SPIDR: variants seen among roughly 807,000 people sequenced by gnomAD.
SPIDR encodes scaffold protein involved in DNA repair.
SPIDR carries 93 observed loss-of-function variants against 104.6 expected under a neutral mutation model. The observed-to-expected ratio is 0.89, with a 90% confidence interval of 0.75 to 1.06. The LOEUF is 1.06. Ranked by LOEUF, SPIDR falls within the 50% of genes least tolerant of loss-of-function variation. The pLI is 0.00. For synonymous variants in SPIDR, 431 were observed against 416.9 expected, an observed-to-expected ratio of 1.03 and a Z score of -0.41; for missense variants, 1,154 against 1,111.2, an observed-to-expected ratio of 1.04 and a Z score of -0.55.
intron 8 of SPIDR, among the ~76,000 whole-genome samples, chr8:47,483,005 G>A (rs559145955): frequency 9.2e-5 from 14 of 152,070 alleles, no homozygotes; most frequent in South Asian, 2.1e-4. Flanking sequence ...AGGAAAGGCC[G>A]CCCCTCTGCC....
intron 11 of SPIDR, among the ~76,000 whole-genome samples, chr8:47,691,943 C>G (rs1233740022): frequency 6.6e-6 from 1 of 152,202 alleles, no homozygotes; most frequent in Non-Finnish European, 1.5e-5. Flanking sequence ...AAGATAGCAG[C>G]ACTACTCTTT....
At chr8:47,273,786 G>T (rs1049094547) in intron 1 of SPIDR, among the ~76,000 whole-genome samples, 1 of 152,078 alleles carries the variant, frequency 6.6e-6, no homozygotes, top group Non-Finnish European at 1.5e-5. Context: ...TAGAAATGAG[G>T]TCTTGCTGTG....
At chr8:47,327,179 G>C (rs1316513450) in intron 5 of SPIDR, among the ~76,000 whole-genome samples, 1 of 151,950 alleles carries the variant, frequency 6.6e-6, no homozygotes, top group Admixed American at 6.6e-5. Flanking sequence ...GTTTTGGTTT[G>C]CAATTCTCTA....
chr8:47,373,810 TAAATC>T (rs1407916168), intron 5 of SPIDR, among the ~76,000 whole-genome samples: 1 of 152,224 alleles, frequency 6.6e-6, no homozygotes, highest in African/African-American at 2.4e-5. Flanking sequence ...ATTAAAAAGA[TAAATC>T]AAATGTGAAT....
chr8:47,713,475 G>A lies in SPIDR; in HGVS notation c.2189-14G>A. ...CTTCAAGGCTTCAATAACCTGAAGTGTCTCTGTCGGCAGGTCGGATTGTTT... is the reference window on the plus strand; with the variant it reads ...CTTCAAGGCTTCAATAACCTGAAGTATCTCTGTCGGCAGGTCGGATTGTTT... On this transcript the variant is annotated splice_polypyrimidine_tract_variant and intron_variant, in intron 15 of 19. Transcript: ENST00000297423. The A allele has an allele frequency of 6.2e-7, 1 of 1,614,096 alleles. No homozygotes were observed. The highest frequency in any genetic ancestry group is 1.7e-5 in the Admixed American group (1 of 60,016).
chr8:47,473,616 C>T (rs781831203), intron 8 of SPIDR, among the ~76,000 whole-genome samples: 1 of 152,176 alleles, frequency 6.6e-6, no homozygotes, highest in Non-Finnish European at 1.5e-5. Context: ...CTTCCACACG[C>T]GTCTATTTTA....
At chr8:47,565,992 A>ATTTTTTTTTTT (rs768002878) in intron 8 of SPIDR, among the ~76,000 whole-genome samples, 3 of 14,952 alleles carry the variant, frequency 2.0e-4, no homozygotes, top group African/African-American at 5.0e-4. Flanking sequence ...ATATATATAT[A>ATTTTTTTTTTT]TTTTTTTTTT....
chr8:47,531,581 C>A (rs564815814), intron 8 of SPIDR, among the ~76,000 whole-genome samples: 18 of 152,226 alleles, frequency 1.2e-4, no homozygotes, highest in Admixed American at 3.3e-4. Flanking sequence ...TTTTAAGGAG[C>A]CTGTTGAGGT....
intron 8 of SPIDR, among the ~76,000 whole-genome samples, chr8:47,507,452 C>T (rs2154374395): frequency 6.6e-6 from 1 of 152,316 alleles, no homozygotes; most frequent in South Asian, 2.1e-4. Context: ...CTGTAACAGC[C>T]GATTTCAGCT....
intron 10 of SPIDR, among the ~76,000 whole-genome samples, chr8:47,603,540 G>C (rs962210979): frequency 6.6e-6 from 1 of 151,108 alleles, no homozygotes; most frequent in Non-Finnish European, 1.5e-5. Context: ...CCACAGGCAC[G>C]TGCCACCATA....
At chr8:47,492,381 TC>T (rs1349014000) in intron 8 of SPIDR, among the ~76,000 whole-genome samples, 2 of 151,758 alleles carry the variant, frequency 1.3e-5, no homozygotes, top group African/African-American at 2.4e-5. Context: ...GTTTTGAAAA[TC>T]AGCCAGGTCT....
At chr8:47,475,809 C>T (rs1554723476) in intron 8 of SPIDR, among the ~76,000 whole-genome samples, 1 of 151,904 alleles carries the variant, frequency 6.6e-6, no homozygotes, top group African/African-American at 2.4e-5. Flanking sequence ...ACAGTATCCG[C>T]CCCCCGCACC....
intron 5 of SPIDR, among the ~76,000 whole-genome samples, chr8:47,295,486 A>G (rs1200012829): frequency 3.3e-5 from 5 of 152,120 alleles, no homozygotes; most frequent in African/African-American, 1.2e-4. Flanking sequence ...GCCTCTGGTA[A>G]TCAACATTCT....
intron 8 of SPIDR, among the ~76,000 whole-genome samples, chr8:47,580,527 G>A (rs991413022): frequency 3.1e-4 from 47 of 152,296 alleles, no homozygotes; most frequent in African/African-American, 1.0e-3. Context: ...CTTGTAAGTG[G>A]CAAAGCCAGG....
At chr8:47,422,088 C>A (rs902059382) in intron 7 of SPIDR, among the ~76,000 whole-genome samples, 3 of 152,212 alleles carry the variant, frequency 2.0e-5, no homozygotes, top group African/African-American at 7.2e-5. Flanking sequence ...TGTGTCCGTT[C>A]TCAGATCTCC....
At chr8:47,682,335 C>T (rs1006513701) in intron 11 of SPIDR, among the ~76,000 whole-genome samples, 2 of 150,422 alleles carry the variant, frequency 1.3e-5, no homozygotes, top group Admixed American at 6.6e-5. Context: ...CCAGACCAGG[C>T]AAATCTATGG....
intron 5 of SPIDR, among the ~76,000 whole-genome samples, chr8:47,392,555 A>G (rs1353453147): frequency 6.6e-6 from 1 of 152,220 alleles, no homozygotes; most frequent in Admixed American, 6.5e-5. Context: ...TGAGGAAGCA[A>G]TAGCTTAAGC....
chr8:47,420,287 G>A (rs201856708), intron 7 of SPIDR, among the ~76,000 whole-genome samples: 4 of 152,092 alleles, frequency 2.6e-5, no homozygotes, highest in East Asian at 1.9e-4. Flanking sequence ...TGCTTTATGA[G>A]TCTGGGTGCT....
chr8:47,577,830 C>G (rs1037217380), intron 8 of SPIDR, among the ~76,000 whole-genome samples: 13 of 152,164 alleles, frequency 8.5e-5, no homozygotes, highest in African/African-American at 3.1e-4. Context: ...CACCCCAGAC[C>G]TGCTGAATCA....
Sources: gnomAD v4.1 joint callset for allele counts (sites outside exome capture counted in the v4.1 genomes callset) on GRCh38, gnomAD v4.1.1 for gene constraint, MANE v1.5 for transcripts, NCBI Gene and HGNC (gene_info 2026-07-23, HGNC 2026-07-21) for gene names.